The following NR2C1 variants were observed in gnomAD, a reference collection of about 807,000 sequenced individuals.
NR2C1 encodes TR2 nuclear hormone receptor.
A neutral mutation model predicts 74.8 loss-of-function variants in NR2C1; 33 were observed. That is an observed-to-expected ratio of 0.44 (90% CI 0.33 to 0.59). The LOEUF (loss-of-function observed/expected upper bound fraction) is 0.59. Ranked by LOEUF, NR2C1 falls within the 20% of genes least tolerant of loss-of-function variation. NR2C1 has a pLI of 0.02. For synonymous variants in NR2C1, 225 were observed against 240.6 expected, an observed-to-expected ratio of 0.94 and a Z score of 0.60; for missense variants, 568 against 715.6, an observed-to-expected ratio of 0.79 and a Z score of 2.35.
At position 95,049,160 on chromosome 12, in the gene NR2C1, C is replaced by G. The variant is rs755733101; in HGVS notation, c.1039G>C (p.Glu347Gln). ...TACQSSVAGM[E>Q]GSVHLITGDS... ...CCAGTGATTAGGTGTACACTTCCTT[C>G]CATGCCCGCTACTGAGCTCTGGCAG... The change falls in exon 9 of 14, where the codon GAA becomes CAA. Residue 347 changes from glutamate to glutamine, a missense_variant. Transcript: ENST00000333003. 6.2e-7 allele frequency: 1 copy of G among 1,614,144 alleles called. No homozygotes were observed. Among genetic ancestry groups the G allele is most frequent in the Non-Finnish European group, 8.5e-7 (1 of 1,179,986 alleles).
At chr12:95,029,393 G>A (rs938407781) in intron 11 of NR2C1, among the ~76,000 whole-genome samples, 15 of 151,926 alleles carry the variant, frequency 9.9e-5, no homozygotes, top group Admixed American at 7.9e-4. Flanking sequence ...TAATTCTTTT[G>A]ATGTTGTAAA....
At chr12:95,025,556 A>G (rs35584) in intron 12 of NR2C1, among the ~76,000 whole-genome samples, 30,501 of 150,610 alleles carry the variant, frequency 0.2, 3,162 homozygotes, top group Non-Finnish European at 0.23. Context: ...TACTCAGGAG[A>G]CTGAGGCAGG....
chr12:95,040,374 T>C lies in NR2C1; in HGVS notation c.1253+102A>G, dbSNP rs1871372449. The stretch of plus-strand genomic sequence containing the variant: ...ACAACTTAAAGCTATAATGTTATAC[T>C]GTTTTTTCCTTTAATGCAAATCTTC... On this transcript the variant is annotated intron_variant, in intron 10 of 13. Transcript: ENST00000333003. 6 of 1,120,758 alleles carry C rather than the reference T, an allele frequency of 5.4e-6. No homozygotes were observed. In the Middle Eastern group the frequency reaches 8.4e-4, roughly 157 times the overall value. 69.4% of individuals were successfully genotyped at this position (1,120,758 alleles called of 1,614,324 possible).
intron 1 of NR2C1, among the ~76,000 whole-genome samples, chr12:95,072,111 C>G (rs974847883): frequency 1.5e-4 from 22 of 145,464 alleles, no homozygotes; most frequent in African/African-American, 5.2e-4. Flanking sequence ...GGACTTAAAG[C>G]AAAGTTTAAA....
intron 8 of NR2C1, 124 bp downstream of exon 8, chr12:95,051,638 T>C (rs1182119158): frequency 1.3e-6 from 1 of 789,948 alleles, no homozygotes; most frequent in Admixed American, 3.1e-5. Context: ...TCAACCTGTA[T>C]TTAGATAATC....
chr12:95,031,004 G>A (rs1177619787), intron 11 of NR2C1: 1 of 769,834 alleles, frequency 1.3e-6, no homozygotes, highest in Non-Finnish European at 2.1e-6. Flanking sequence ...AATAAAGAAA[G>A]GTCATTTAAA....
At chr12:95,037,659 G>T (rs1871013427) in intron 10 of NR2C1, among the ~76,000 whole-genome samples, 1 of 152,090 alleles carries the variant, frequency 6.6e-6, no homozygotes, top group Non-Finnish European at 1.5e-5. Flanking sequence ...ACTTTGGGAG[G>T]CCCAGGCAGG....
intron 1 of NR2C1, among the ~76,000 whole-genome samples, chr12:95,067,878 C>CTTT (rs35730526): frequency 8.2e-5 from 9 of 110,014 alleles, no homozygotes; most frequent in Admixed American, 4.2e-4. Flanking sequence ...CTCCATGTAT[C>CTTT]TTTTTTTTTT....
At chr12:95,058,177 G>A (rs562575664) in intron 5 of NR2C1, 133 bp downstream of exon 5, 12 of 786,206 alleles carry the variant, frequency 1.5e-5, no homozygotes, top group African/African-American at 1.0e-4. Context: ...ACGTAGGTCT[G>A]TATTCTTATA....
At chr12:95,067,163 C>T in intron 2 of NR2C1, 168 bp downstream of exon 2, 2 of 661,482 alleles carry the variant, frequency 3.0e-6, no homozygotes, top group Non-Finnish European at 5.4e-6. Flanking sequence ...GAACTTACCA[C>T]ATTCTACTAT....
In NR2C1 at chr12:95,058,310, A is replaced by C; in HGVS notation, c.544T>G (p.Ser182Ala). The change falls in exon 5 of 14, where the codon TCT (serine) becomes GCT (alanine). Residue 182 changes from serine to alanine, a missense_variant and splice_region_variant. Coordinates refer to ENST00000333003, the MANE Select transcript of NR2C1 (RefSeq NM_003297.4). ...RCIAFGMKQD[S>A]VQCERKPIEV... ...TTTCTCCTTAAAAGCTAATACATAC[A>C]GTCTTGCTTCATTCCAAACGCAATA... The C allele has an allele frequency of 6.2e-7, 1 of 1,602,086 alleles. No individual in the cohort carries two copies. The highest frequency in any genetic ancestry group is 1.1e-5 in the South Asian group (1 of 88,910).
At position 95,062,835 on chromosome 12, in the gene NR2C1, A is replaced by C. The variant is rs374137258; in HGVS notation, c.55-97T>G. The C allele has an allele frequency of 5.9e-6, 5 of 853,684 alleles. No homozygotes were observed. In the South Asian group the frequency reaches 7.9e-5, roughly 14 times the overall value. The allele number at this position is 853,684 out of a possible 1,614,324, so 52.9% of individuals were successfully genotyped here. A position where few individuals can be genotyped will look rare whatever the true frequency, so the allele number is the denominator to read the frequency against. On this transcript the variant is annotated intron_variant, in intron 2 of 13. Transcript: ENST00000333003. Reference sequence around the variant, plus strand: ...AAAGCACATTACATATATATTCAATATAACACACACGTACCTTTTAAACTA... The same window carrying C: ...AAAGCACATTACATATATATTCAATCTAACACACACGTACCTTTTAAACTA...
At position 95,021,221 on chromosome 12, in the gene NR2C1, A is replaced by G. The variant is rs1868746132; in HGVS notation, c.*1008T>C. Reference sequence around the variant, plus strand: ...TCTTTATTACTTTCTTTCTTTTTACAGAGACGAGGTCTTGCTATATTGCCC... The same window carrying G: ...TCTTTATTACTTTCTTTCTTTTTACGGAGACGAGGTCTTGCTATATTGCCC... On this transcript the variant is annotated 3_prime_UTR_variant, in exon 14 of 14. Transcript: ENST00000333003. 6.6e-6 allele frequency: 1 copy of G among 152,058 alleles called. No individual in the cohort carries two copies. Among genetic ancestry groups the G allele is most frequent in the African/African-American group, 2.4e-5 (1 of 41,438 alleles). 9.4% of individuals were successfully genotyped at this position (152,058 alleles called of 1,614,324 possible).
rs745359547 is a variant in NR2C1 at position 95,057,819 on chromosome 12, C to A, written c.604G>T (p.Ala202Ser). 4.3e-6 allele frequency: 7 copies of A among 1,613,876 alleles called. No homozygotes were observed. Among genetic ancestry groups the A allele is most frequent in the Middle Eastern group, 1.7e-4 (1 of 6,060 alleles). Residue 202 changes from alanine to serine, a missense_variant, in exon 6 of 14, where the codon GCT becomes TCT. Ala to Ser is a moderately conservative substitution (Grantham distance 99). Coordinates refer to ENST00000333003, the MANE Select transcript of NR2C1 (RefSeq NM_003297.4). ...CGGATATAGATTTTTTCTGTTGAAG[C>A]GGCACAGTTGGAAGATTTTTCTCGT... is the stretch of plus-strand genomic sequence containing the variant. Reference protein sequence around the residue: ...VSREKSSNCAASTEKIYIRKD... With the variant: ...VSREKSSNCASSTEKIYIRKD...
At position 95,049,101 on chromosome 12, in the gene NR2C1, C is replaced by A. The variant is rs771343283; in HGVS notation, c.1098G>T (p.Gly366=). 6.2e-7 allele frequency: 1 copy of A among 1,613,960 alleles called. No homozygotes were observed. The highest frequency in any genetic ancestry group is 1.1e-5 in the South Asian group (1 of 91,060). ...DSSINYTEKE[G]PLLSDSHVAF... The stretch of plus-strand genomic sequence containing the variant: ...CTACATGTGAATCGCTGAGAAGTGG[C>A]CCCTCTTTTTCGGTGTAATTTATGC... The change falls in exon 9 of 14, where the codon GGG becomes GGT. Residue 366 remains glycine (G), a synonymous_variant. Transcript: ENST00000333003.
intron 12 of NR2C1, 124 bp downstream of exon 12, chr12:95,028,263 A>T (rs1265797798): frequency 2.9e-6 from 2 of 699,088 alleles, no homozygotes; most frequent in Non-Finnish European, 4.7e-6. Flanking sequence ...CCTTTTGAAG[A>T]ACTACTGAAC....
intron 13 of NR2C1, among the ~76,000 whole-genome samples, chr12:95,024,720 G>A (rs1004705790): frequency 6.6e-5 from 10 of 152,122 alleles, no homozygotes; most frequent in Admixed American, 3.9e-4. Flanking sequence ...TCAGGCATGC[G>A]CCACCAAGCC....
chr12:95,041,463 C>T (rs1209001232), intron 9 of NR2C1, among the ~76,000 whole-genome samples: 2 of 151,966 alleles, frequency 1.3e-5, no homozygotes, highest in East Asian at 3.9e-4. Flanking sequence ...GCCTGGGCAA[C>T]AGAGTGAGAC....
intron 7 of NR2C1, among the ~76,000 whole-genome samples, chr12:95,053,818 G>A (rs948290906): frequency 1.3e-5 from 2 of 151,624 alleles, no homozygotes; most frequent in Admixed American, 6.6e-5. Context: ...TGAGGAGCTG[G>A]GACTACAGGC....
Sources: gnomAD v4.1 joint callset for allele counts (sites outside exome capture counted in the v4.1 genomes callset) on GRCh38, gnomAD v4.1.1 for gene constraint, MANE v1.5 for transcripts, NCBI Gene and HGNC (gene_info 2026-07-23, HGNC 2026-07-21) for gene names.